The following TCERG1L variants were observed in gnomAD, a reference collection of about 807,000 sequenced individuals.
TCERG1L encodes transcription elongation regulator 1 like.
TCERG1L carries 37 observed loss-of-function variants against 56.3 expected under a neutral mutation model. The ratio of observed to expected loss-of-function variants is 0.66; its 90% CI spans 0.51 to 0.87. The LOEUF (loss-of-function observed/expected upper bound fraction) is 0.87. Ranked by LOEUF, TCERG1L falls within the 40% of genes least tolerant of loss-of-function variation. TCERG1L has a pLI of 0.00. For synonymous variants in TCERG1L, 324 were observed against 326.3 expected, an observed-to-expected ratio of 0.99 and a Z score of 0.08; for missense variants, 799 against 774.2, an observed-to-expected ratio of 1.03 and a Z score of -0.38.
At chr10:131,264,847 C>A (rs1181770265) in intron 3 of TCERG1L, among the ~76,000 whole-genome samples, 1 of 152,246 alleles carries the variant, frequency 6.6e-6, no homozygotes, top group Non-Finnish European at 1.5e-5. Flanking sequence ...GACTTCAGGG[C>A]CCCTAAAACT....
At chr10:131,187,976 C>A (rs1406577326) in intron 4 of TCERG1L, among the ~76,000 whole-genome samples, 1 of 152,216 alleles carries the variant, frequency 6.6e-6, no homozygotes, top group Non-Finnish European at 1.5e-5. Context: ...CTGAGTCACA[C>A]AGAGACTCTG....
intron 4 of TCERG1L, among the ~76,000 whole-genome samples, chr10:131,239,289 A>C (rs1027880408): frequency 6.6e-6 from 1 of 152,240 alleles, no homozygotes; most frequent in African/African-American, 2.4e-5. Flanking sequence ...TTGCTGATAT[A>C]AGAACCAAAG....
At chr10:131,124,343 C>G (rs1845543748) in intron 8 of TCERG1L, among the ~76,000 whole-genome samples, 1 of 152,168 alleles carries the variant, frequency 6.6e-6, no homozygotes, top group African/African-American at 2.4e-5. Flanking sequence ...CCTCTCATAC[C>G]ATTAGGGAGT....
At chr10:131,150,913 G>C (rs983384250) in intron 6 of TCERG1L, among the ~76,000 whole-genome samples, 1 of 152,204 alleles carries the variant, frequency 6.6e-6, no homozygotes, top group South Asian at 2.1e-4. Context: ...CCTCTTCACA[G>C]GGCAGCAGGA....
At chr10:131,234,951 C>A (rs966997603) in intron 4 of TCERG1L, among the ~76,000 whole-genome samples, 1 of 152,216 alleles carries the variant, frequency 6.6e-6, no homozygotes, top group African/African-American at 2.4e-5. Flanking sequence ...ATCTGCCCAC[C>A]TCTGCCTCCC....
chr10:131,262,963 C>T (rs544866378), intron 3 of TCERG1L, among the ~76,000 whole-genome samples: 1 of 152,158 alleles, frequency 6.6e-6, no homozygotes, highest in Admixed American at 6.5e-5. Flanking sequence ...TTGGCAATAT[C>T]CATTTAAGGT....
chr10:131,290,233 GTGTA>G (rs1846597614), intron 3 of TCERG1L, among the ~76,000 whole-genome samples: 4 of 149,070 alleles, frequency 2.7e-5, no homozygotes, highest in African/African-American at 9.8e-5. Flanking sequence ...GTGTGTGAGA[GTGTA>G]TGTGTGCACT....
chr10:131,222,944 C>T (rs1044955247), intron 4 of TCERG1L, among the ~76,000 whole-genome samples: 6 of 152,270 alleles, frequency 3.9e-5, no homozygotes, highest in Admixed American at 2.0e-4. Flanking sequence ...AACCCCGCCC[C>T]GCCTGTGGGA....
At chr10:131,145,087 A>G (rs1338543925) in intron 7 of TCERG1L, among the ~76,000 whole-genome samples, 1 of 152,252 alleles carries the variant, frequency 6.6e-6, no homozygotes, top group Non-Finnish European at 1.5e-5. Flanking sequence ...CAAATTATCT[A>G]CAAGAACGCA....
In TCERG1L at chr10:131,135,487, C is replaced by T. The variant is rs186408830; in HGVS notation, c.1190-1039G>A. On this transcript the variant is annotated intron_variant, in intron 7 of 11. Transcript: ENST00000368642. ...CTATAAAACCCGACAATTCTCCCTA[C>T]ACCTGTTTTTAGAATCCCAATAATG... Among the ~76,000 whole-genome samples, 55 of 152,366 alleles carry T rather than the reference C, an allele frequency of 3.6e-4. 1 individual carries two copies. In the East Asian group the frequency reaches 8.1e-3, roughly 22 times the overall value.
chr10:131,099,951 C>A (rs899006513), intron 10 of TCERG1L, among the ~76,000 whole-genome samples: 1 of 152,040 alleles, frequency 6.6e-6, no homozygotes, highest in African/African-American at 2.4e-5. Flanking sequence ...GCAACCTCTG[C>A]CTCCTGGGTT....
rs190076216 is a variant in TCERG1L at position 131,263,661 on chromosome 10, G to A, written c.671-3217C>T. 1.1e-4 allele frequency among the ~76,000 whole-genome samples: 16 copies of A among 152,324 alleles called. No homozygotes were observed. The South Asian group carries it at 1.9e-3, about 18-fold the overall frequency. The stretch of plus-strand genomic sequence containing the variant: ...ATAGATAACGACGACATAAACAACC[G>A]TCTGCAAACAGGTTCATTTCTGTAT... On this transcript the variant is annotated intron_variant, in intron 3 of 11. Transcript: ENST00000368642.
At chr10:131,109,501 T>G (rs1228756935) in intron 9 of TCERG1L, among the ~76,000 whole-genome samples, 21 of 152,254 alleles carry the variant, frequency 1.4e-4, no homozygotes, top group African/African-American at 4.3e-4. Context: ...TGTGGCTGTG[T>G]CTGTGAACGC....
At chr10:131,173,463 C>T (rs1176595807) in intron 4 of TCERG1L, among the ~76,000 whole-genome samples, 1 of 152,178 alleles carries the variant, frequency 6.6e-6, no homozygotes, top group Non-Finnish European at 1.5e-5. Flanking sequence ...ACAGTCAGGG[C>T]CCGTTGTATA....
chr10:131,272,073 G>A (rs998448435), intron 3 of TCERG1L, among the ~76,000 whole-genome samples: 5 of 152,140 alleles, frequency 3.3e-5, no homozygotes, highest in African/African-American at 1.2e-4. Flanking sequence ...CAGGCACACG[G>A]GGCTCTGACA....
At chr10:131,248,336 G>A (rs959060622) in intron 4 of TCERG1L, among the ~76,000 whole-genome samples, 1 of 152,150 alleles carries the variant, frequency 6.6e-6, no homozygotes, top group Non-Finnish European at 1.5e-5. Context: ...GGTCTTGGCA[G>A]GAAATGTCAG....
At chr10:131,177,811 G>GC (rs1167265859) in intron 4 of TCERG1L, among the ~76,000 whole-genome samples, 8 of 151,342 alleles carry the variant, frequency 5.3e-5, no homozygotes, top group Non-Finnish European at 7.4e-5. Flanking sequence ...CTGGATCGAT[G>GC]CCCCCCATGT....
At chr10:131,276,199 G>A (rs1404461611) in intron 3 of TCERG1L, among the ~76,000 whole-genome samples, 1 of 152,170 alleles carries the variant, frequency 6.6e-6, no homozygotes, top group Admixed American at 6.5e-5. Flanking sequence ...GGTTACCATG[G>A]GGGGAATCCA....
intron 7 of TCERG1L, among the ~76,000 whole-genome samples, chr10:131,142,047 C>T (rs12266376): frequency 0.05 from 7,688 of 152,344 alleles, 283 homozygotes; most frequent in South Asian, 0.22. Flanking sequence ...ACCTGCTTCA[C>T]CTTGGCATCA....
Sources: allele counts gnomAD v4.1 joint callset (sites outside exome capture counted in the v4.1 genomes callset), GRCh38; gene constraint gnomAD v4.1.1; transcripts MANE v1.5; gene names NCBI Gene and HGNC (gene_info 2026-07-23, HGNC 2026-07-21).